DCC: variants seen among roughly 807,000 people sequenced by gnomAD.
The protein encoded by DCC is DCC netrin 1 receptor, also known as netrin receptor DCC.
In DCC, 58 loss-of-function variants were observed where a neutral mutation model predicts 172.5. That is an observed-to-expected ratio of 0.34 (90% CI 0.27 to 0.42). DCC has a LOEUF of 0.42. Among genes scored for constraint, DCC ranks in the 10% least tolerant of loss-of-function variants. The probability of loss-of-function intolerance (pLI) is 1.00; values close to 1 mark genes in which losing one functional copy is unlikely to be tolerated. For synonymous variants in DCC, 709 were observed against 644.5 expected (o/e 1.10, Z -1.52); for missense variants, 1,740 against 1,791.0 (o/e 0.97, Z 0.51).
chr18:52,991,658 T>C (rs944891417), intron 5 of DCC, among the ~76,000 whole-genome samples: 4 of 152,174 alleles, frequency 2.6e-5, no homozygotes, highest in African/African-American at 7.2e-5. Context: ...ACCCTCTCGA[T>C]TGGTACTGCA....
At chr18:52,463,164 C>T (rs1282000091) in intron 1 of DCC, among the ~76,000 whole-genome samples, 2 of 152,190 alleles carry the variant, frequency 1.3e-5, no homozygotes, top group Non-Finnish European at 2.9e-5. Context: ...TTGAGCCTCA[C>T]AACCCAGGAA....
intron 12 of DCC, among the ~76,000 whole-genome samples, chr18:53,262,459 T>A (rs1383131766): frequency 6.6e-6 from 1 of 152,228 alleles, no homozygotes. Context: ...TGGCCAGACA[T>A]TTAAAGCTAA....
chr18:53,464,979 C>CAAAAAAAAAAAAAAAAAAAAAAAAAAAAA (rs71179510), intron 24 of DCC, among the ~76,000 whole-genome samples: 1 of 54,842 alleles, frequency 1.8e-5, no homozygotes, highest in African/African-American at 5.9e-5. Flanking sequence ...AACTCAATCT[C>CAAAAAAAAAAAAAAAAAAAAAAAAAAAAA]AAAAAAAAAA....
At chr18:52,597,512 C>A (rs1442260371) in intron 1 of DCC, among the ~76,000 whole-genome samples, 4 of 126,890 alleles carry the variant, frequency 3.2e-5, no homozygotes, top group Non-Finnish European at 7.0e-5. Context: ...GTAGTTTAAG[C>A]AATTTTTTTC....
At position 52,507,917 on chromosome 18, in the gene DCC, A is replaced by G. The variant is rs190947555; in HGVS notation, c.91+167039A>G. On this transcript the variant is annotated intron_variant, in intron 1 of 28. Coordinates refer to ENST00000442544, the MANE Select transcript of DCC (RefSeq NM_005215.4). ...GGAGTTCAAGACCAGCCTGACCAAT[A>G]TGGTGAAACCCCGTCTCTACTAAAA... Among the ~76,000 whole-genome samples the G allele has an allele frequency of 7.9e-3, 1,197 of 152,210 alleles. 12 individuals are homozygous for G. The highest frequency in any genetic ancestry group is 0.012 in the Admixed American group (184 of 15,288).
At chr18:52,531,259 A>G (rs2032141626) in intron 1 of DCC, among the ~76,000 whole-genome samples, 1 of 152,204 alleles carries the variant, frequency 6.6e-6, no homozygotes, top group Admixed American at 6.5e-5. Context: ...TGACATGTAT[A>G]GAAAATAAAA....
chr18:53,131,655 A>G (rs2043653206), intron 7 of DCC, among the ~76,000 whole-genome samples: 1 of 152,140 alleles, frequency 6.6e-6, no homozygotes, highest in Non-Finnish European at 1.5e-5. Flanking sequence ...GTAGGCTATA[A>G]AGAAATATGA....
intron 12 of DCC, among the ~76,000 whole-genome samples, chr18:53,260,944 A>C (rs569684547): frequency 6.6e-6 from 1 of 152,150 alleles, no homozygotes; most frequent in African/African-American, 2.4e-5. Context: ...TTGCAGTTTG[A>C]TATCAGACTG....
At chr18:52,379,579 G>T (rs1985499169) in intron 1 of DCC, among the ~76,000 whole-genome samples, 1 of 152,126 alleles carries the variant, frequency 6.6e-6, no homozygotes, top group Non-Finnish European at 1.5e-5. Flanking sequence ...GCTGCAAAGA[G>T]TTTATTTAAT....
At chr18:52,933,694 A>T (rs990167041) in intron 5 of DCC, among the ~76,000 whole-genome samples, 1 of 152,020 alleles carries the variant, frequency 6.6e-6, no homozygotes, top group African/African-American at 2.4e-5. Context: ...TTAGCCAGCT[A>T]TGTAAACCTC....
At chr18:53,501,043 T>C (rs1341058408) in intron 27 of DCC, among the ~76,000 whole-genome samples, 1 of 152,190 alleles carries the variant, frequency 6.6e-6, no homozygotes, top group Non-Finnish European at 1.5e-5. Context: ...GTATGCTTCC[T>C]TGTGATTTCT....
intron 12 of DCC, among the ~76,000 whole-genome samples, chr18:53,248,979 G>T (rs2056397614): frequency 6.6e-6 from 1 of 151,986 alleles, no homozygotes. Context: ...TTTACCTTAT[G>T]TGGATGGAAA....
chr18:52,999,528 T>C (rs1001375776), intron 5 of DCC, among the ~76,000 whole-genome samples: 1 of 151,960 alleles, frequency 6.6e-6, no homozygotes, highest in African/African-American at 2.4e-5. Flanking sequence ...GAAAGTGAAT[T>C]TGGGCTTTAA....
intron 1 of DCC, among the ~76,000 whole-genome samples, chr18:52,546,787 T>C (rs2032629472): frequency 6.6e-6 from 1 of 152,106 alleles, no homozygotes; most frequent in Non-Finnish European, 1.5e-5. Flanking sequence ...CAATTGGCAC[T>C]TGGGTTGCTG....
At chr18:53,188,111 T>C (rs1180220886) in intron 9 of DCC, among the ~76,000 whole-genome samples, 2 of 152,194 alleles carry the variant, frequency 1.3e-5, no homozygotes, top group Non-Finnish European at 2.9e-5. Context: ...TCTGACACAT[T>C]TCCCGGTGCC....
At chr18:53,470,811 G>T (rs1215091700) in intron 25 of DCC, among the ~76,000 whole-genome samples, 1 of 152,088 alleles carries the variant, frequency 6.6e-6, no homozygotes, top group Non-Finnish European at 1.5e-5. Context: ...CGAGGATCAT[G>T]GGGGGAACTG....
chr18:53,047,337 TA>T (rs2042261754), intron 5 of DCC, among the ~76,000 whole-genome samples: 1 of 104,416 alleles, frequency 9.6e-6, no homozygotes. Context: ...TTTATATATA[TA>T]ATAATATGAA....
chr18:52,357,167 C>T (rs976122728), intron 1 of DCC, among the ~76,000 whole-genome samples: 5 of 152,118 alleles, frequency 3.3e-5, no homozygotes, highest in African/African-American at 1.2e-4. Context: ...CCCAAAAATT[C>T]ATGTACTAAA....
intron 24 of DCC, among the ~76,000 whole-genome samples, chr18:53,460,017 G>C (rs1444110070): frequency 7.3e-6 from 1 of 136,448 alleles, no homozygotes; most frequent in Non-Finnish European, 1.5e-5. Context: ...AGTTTGATGG[G>C]ATTCTGTCTG....
Sources: gnomAD v4.1 joint callset for allele counts (sites outside exome capture counted in the v4.1 genomes callset) on GRCh38, gnomAD v4.1.1 for gene constraint, MANE v1.5 for transcripts, NCBI Gene and HGNC (gene_info 2026-07-23, HGNC 2026-07-21) for gene names.